The following TSHZ2 variants were observed in gnomAD, a reference collection of about 807,000 sequenced individuals.
TSHZ2 encodes the protein teashirt homolog 2.
A neutral mutation model predicts 74.4 loss-of-function variants in TSHZ2; 21 were observed. That is an observed-to-expected ratio of 0.28 (90% CI 0.20 to 0.41). The LOEUF is 0.41. Among genes scored for constraint, TSHZ2 ranks in the 10% least tolerant of loss-of-function variants. The pLI is 1.00. For missense variants in TSHZ2, 1,244 were observed against 1,293.5 expected (o/e 0.96, Z 0.59); for synonymous variants, 540 against 515.3 (o/e 1.05, Z -0.65).
chr20:53,024,277 C>A (rs1279871936), intron 1 of TSHZ2, among the ~76,000 whole-genome samples: 1 of 151,558 alleles, frequency 6.6e-6, no homozygotes, highest in South Asian at 2.1e-4. Flanking sequence ...CAGGGGAAAC[C>A]AAATCATATG....
intron 1 of TSHZ2, among the ~76,000 whole-genome samples, chr20:53,118,960 G>A (rs1197045215): frequency 6.6e-6 from 1 of 151,838 alleles, no homozygotes; most frequent in South Asian, 2.1e-4. Flanking sequence ...GAGCGAGAGG[G>A]AGAGAGAGAG....
At chr20:53,072,352 A>G (rs1276904177) in intron 1 of TSHZ2, among the ~76,000 whole-genome samples, 1 of 152,234 alleles carries the variant, frequency 6.6e-6, no homozygotes, top group Non-Finnish European at 1.5e-5. Flanking sequence ...ACAAAATCAT[A>G]ATAATCCAGC....
chr20:53,059,428 C>T (rs564283001), intron 1 of TSHZ2, among the ~76,000 whole-genome samples: 84 of 152,060 alleles, frequency 5.5e-4, no homozygotes, highest in African/African-American at 1.9e-3. Context: ...GTTAACATTC[C>T]GAGAAAAGAC....
At chr20:53,230,481 T>C (rs1199265075) in intron 1 of TSHZ2, among the ~76,000 whole-genome samples, 1 of 152,200 alleles carries the variant, frequency 6.6e-6, no homozygotes, top group Non-Finnish European at 1.5e-5. Context: ...CCCTCTTCTT[T>C]GTGGCACAGA....
chr20:53,226,929 G>T (rs557495272), intron 1 of TSHZ2, among the ~76,000 whole-genome samples: 19 of 152,192 alleles, frequency 1.2e-4, no homozygotes, highest in Non-Finnish European at 2.2e-4. Flanking sequence ...TAGGGTTGTT[G>T]TTCGGGGAAC....
intron 2 of TSHZ2, among the ~76,000 whole-genome samples, chr20:53,266,611 A>G (rs2123749861): frequency 6.6e-6 from 1 of 152,278 alleles, no homozygotes; most frequent in South Asian, 2.1e-4. Flanking sequence ...TAATATGGCT[A>G]TAATAATAGT....
chr20:53,388,842 C>T (rs571721596), intron 2 of TSHZ2, among the ~76,000 whole-genome samples: 4 of 152,264 alleles, frequency 2.6e-5, no homozygotes, highest in African/African-American at 9.6e-5. Flanking sequence ...CTTGGCCTCC[C>T]AAAGTGCTGG....
At chr20:53,297,155 T>C (rs1991394661) in intron 2 of TSHZ2, among the ~76,000 whole-genome samples, 1 of 151,606 alleles carries the variant, frequency 6.6e-6, no homozygotes, top group Non-Finnish European at 1.5e-5. Context: ...CCTTAAGAAA[T>C]AGCAATGGGA....
Position 53,493,014 on chromosome 20 carries a change from T to C in TSHZ2, c.*5879T>C, listed in dbSNP as rs1223070492. On this transcript the variant is annotated 3_prime_UTR_variant, in exon 3 of 3. Transcript: ENST00000371497. ...ATGCTGTATATAATACATTTGCCTG[T>C]ATACTAGGAAGAAAAACCAGGCTGT... The C allele has an allele frequency of 6.6e-6, 1 of 152,252 alleles. No individual in the cohort carries two copies. The highest frequency in any genetic ancestry group is 1.5e-5 in the Non-Finnish European group (1 of 68,042). 9.4% of individuals were successfully genotyped at this position (152,252 alleles called of 1,614,324 possible).
intron 2 of TSHZ2, among the ~76,000 whole-genome samples, chr20:53,300,074 A>T (rs1266666688): frequency 6.6e-6 from 1 of 152,190 alleles, no homozygotes; most frequent in African/African-American, 2.4e-5. Context: ...CTTGTGAACA[A>T]AGTGTTTATT....
chr20:53,136,867 T>C (rs1374579524), intron 1 of TSHZ2, among the ~76,000 whole-genome samples: 1 of 152,174 alleles, frequency 6.6e-6, no homozygotes. Flanking sequence ...TTTTTTTTTC[T>C]ACCTGATTAA....
chr20:53,282,516 G>T (rs1289411100), intron 2 of TSHZ2, among the ~76,000 whole-genome samples: 2 of 152,170 alleles, frequency 1.3e-5, no homozygotes, highest in Non-Finnish European at 2.9e-5. Context: ...TTTTATGGAT[G>T]GGGAAACCGA....
chr20:53,394,270 A>C (rs1402301250), intron 2 of TSHZ2, among the ~76,000 whole-genome samples: 1 of 152,228 alleles, frequency 6.6e-6, no homozygotes, highest in African/African-American at 2.4e-5. Context: ...CGATGTCCCC[A>C]GTTGAGGTTT....
At chr20:53,021,547 C>A (rs1368942003) in intron 1 of TSHZ2, among the ~76,000 whole-genome samples, 1 of 152,186 alleles carries the variant, frequency 6.6e-6, no homozygotes, top group African/African-American at 2.4e-5. Flanking sequence ...TTCTCTGTCT[C>A]ATAATGGAAA....
chr20:53,389,068 G>A (rs1465442846), intron 2 of TSHZ2, among the ~76,000 whole-genome samples: 2 of 152,180 alleles, frequency 1.3e-5, no homozygotes, highest in Non-Finnish European at 2.9e-5. Flanking sequence ...AAACCTTGCA[G>A]GCAAGCAGGA....
chr20:52,972,937 A>T lies in TSHZ2; in HGVS notation c.-357A>T. On this transcript the variant is annotated 5_prime_UTR_variant, in exon 1 of 3. Coordinates refer to ENST00000371497, the MANE Select transcript of TSHZ2 (RefSeq NM_173485.6). ...GTTTAATAAAGAAATCAAGTGTCTC[A>T]ACAGTCACCAAAAAAAAAAAAAACC... is the stretch of plus-strand genomic sequence containing the variant. 3.2e-6 allele frequency: 1 copy of T among 314,368 alleles called. No homozygotes were observed. The highest frequency in any genetic ancestry group is 5.7e-6 in the Non-Finnish European group (1 of 174,682). The allele number at this position is 314,368 out of a possible 1,614,324, so 19.5% of individuals were successfully genotyped here.
At position 53,254,459 on chromosome 20, in the gene TSHZ2, A is replaced by C. The variant is rs757703689; in HGVS notation, c.1001A>C (p.Asp334Ala). ...GATGTCAATCGGCCGTGTTCCCCCGATTCAACCACAGGATCTTTTGCAGAT... is the reference window on the plus strand; with the variant it reads ...GATGTCAATCGGCCGTGTTCCCCCGCTTCAACCACAGGATCTTTTGCAGAT... ...VFDVNRPCSP[D>A]STTGSFADSF... Residue 334 changes from aspartate to alanine, a missense_variant, in exon 2 of 3, where the codon GAT becomes GCT. By Grantham distance (126) the Asp-to-Ala change is moderately radical. This residue lies in a region of TSHZ2 where 470 missense variants were observed against 456.5 expected (regional missense o/e 1.03). Transcript: ENST00000371497. 6 of 1,613,854 alleles carry C rather than the reference A, an allele frequency of 3.7e-6. No individual in the cohort carries two copies. The highest frequency in any genetic ancestry group is 5.1e-6 in the Non-Finnish European group (6 of 1,179,758).
At chr20:53,361,560 G>T (rs752036170) in intron 2 of TSHZ2, among the ~76,000 whole-genome samples, 8 of 152,162 alleles carry the variant, frequency 5.3e-5, no homozygotes, top group African/African-American at 2.4e-5. Flanking sequence ...TATTGTGTCT[G>T]AGTCACTCTT....
chr20:53,045,516 C>T (rs1173969830), intron 1 of TSHZ2, among the ~76,000 whole-genome samples: 4 of 152,282 alleles, frequency 2.6e-5, no homozygotes, highest in Non-Finnish European at 2.9e-5. Context: ...ATAGTGACTC[C>T]GTTTAGACGA....
Sources: gnomAD v4.1 joint callset for allele counts (sites outside exome capture counted in the v4.1 genomes callset) on GRCh38, gnomAD v4.1.1 for gene constraint, gnomAD v4.1.1 regional missense constraint, MANE v1.5 for transcripts, NCBI Gene and HGNC (gene_info 2026-07-23, HGNC 2026-07-21) for gene names.